Variants in XKR9 observed in about 807,000 individuals in gnomAD.
XKR9 encodes the protein XK related 9.
Under a neutral mutation model 32.0 loss-of-function variants are expected in XKR9, and 32 were observed. That is an observed-to-expected ratio of 1.00 (90% CI 0.76 to 1.34). XKR9 has a LOEUF of 1.34. XKR9 is among the 40% of genes most tolerant of loss of function. The pLI, the probability that XKR9 is intolerant of heterozygous loss-of-function variation, is 0.00. For missense variants in XKR9, 546 were observed against 429.7 expected (o/e 1.27, Z -2.39); for synonymous variants, 168 against 143.4 (o/e 1.17, Z -1.22).
At chr8:70,954,209 T>C in the XKR9 span, among the ~76,000 whole-genome samples, 1 of 152,094 alleles carries the variant, frequency 6.6e-6, no homozygotes, top group Non-Finnish European at 1.5e-5. Flanking sequence ...TGGATTATAT[T>C]TGGACAACCC....
intron 3 of XKR9, among the ~76,000 whole-genome samples, chr8:70,698,720 G>A (rs1239349034): frequency 6.6e-6 from 1 of 152,158 alleles, no homozygotes; most frequent in Non-Finnish European, 1.5e-5. Context: ...GCAGAGCTGA[G>A]TTCAATTCCT....
At chr8:70,892,572 A>T in the XKR9 span, among the ~76,000 whole-genome samples, 2 of 151,950 alleles carry the variant, frequency 1.3e-5, no homozygotes, top group Non-Finnish European at 2.9e-5. Flanking sequence ...AAATGACTTT[A>T]TTTCTCTCTC....
chr8:70,736,353 G>A (rs1387236960), downstream of XKR9, among the ~76,000 whole-genome samples: 3 of 151,870 alleles, frequency 2.0e-5, no homozygotes, highest in African/African-American at 4.8e-5. Context: ...GTTCATTGTA[G>A]ATTCTGGATA....
At chr8:70,754,536 A>C (rs1563469167) in intron 2 of XKR9, among the ~76,000 whole-genome samples, 3 of 125,498 alleles carry the variant, frequency 2.4e-5, no homozygotes, top group Non-Finnish European at 5.7e-5. Flanking sequence ...TACAGTAACC[A>C]AAACAGCATG....
At chr8:70,918,022 G>C in the XKR9 span, among the ~76,000 whole-genome samples, 1 of 152,206 alleles carries the variant, frequency 6.6e-6, no homozygotes, top group Non-Finnish European at 1.5e-5. Flanking sequence ...ATGTGATCTT[G>C]CCTTAAATAT....
At chr8:70,800,877 G>T in the XKR9 span, among the ~76,000 whole-genome samples, 12 of 151,744 alleles carry the variant, frequency 7.9e-5, no homozygotes, top group Admixed American at 7.2e-4. Flanking sequence ...TTTCTTCCTG[G>T]TTCAGTCTTG....
chr8:70,688,104 T>G (rs1819368061), intron 3 of XKR9, among the ~76,000 whole-genome samples: 1 of 152,238 alleles, frequency 6.6e-6, no homozygotes, highest in African/African-American at 2.4e-5. Context: ...AAGGTCAGTC[T>G]TAGGCTATGC....
At chr8:70,797,588 CA>C in the XKR9 span, among the ~76,000 whole-genome samples, 12 of 150,856 alleles carry the variant, frequency 8.0e-5, no homozygotes, top group South Asian at 6.3e-4. Context: ...ATTTTAGGTT[CA>C]GGGGTACAAT....
chr8:70,964,848 G>C, the XKR9 span, among the ~76,000 whole-genome samples: 1 of 152,106 alleles, frequency 6.6e-6, no homozygotes, highest in Non-Finnish European at 1.5e-5. Context: ...AAGCTTTTGG[G>C]CTGAGATGCT....
chr8:70,889,379 AT>A, the XKR9 span, among the ~76,000 whole-genome samples: 1 of 150,890 alleles, frequency 6.6e-6, no homozygotes, highest in Non-Finnish European at 1.5e-5. Context: ...TTTCCTCTTT[AT>A]TTTTTAATTT....
the XKR9 span, among the ~76,000 whole-genome samples, chr8:70,915,734 A>G: frequency 3.9e-5 from 6 of 152,326 alleles, no homozygotes; most frequent in South Asian, 1.2e-3. Context: ...CTAAAATATT[A>G]CACTCCAAAA....
At chr8:70,977,006 A>G in the XKR9 span, among the ~76,000 whole-genome samples, 2 of 152,142 alleles carry the variant, frequency 1.3e-5, no homozygotes, top group Non-Finnish European at 2.9e-5. Context: ...TTATTTTCAT[A>G]GAGGTGTTTA....
downstream of XKR9, among the ~76,000 whole-genome samples, chr8:70,739,840 G>C (rs1011026738): frequency 2.6e-5 from 4 of 152,210 alleles, no homozygotes; most frequent in African/African-American, 9.6e-5. Flanking sequence ...GAGATCCGCC[G>C]TTGGTCTGAT....
the XKR9 span, among the ~76,000 whole-genome samples, chr8:70,808,494 G>A: frequency 6.6e-6 from 1 of 152,288 alleles, no homozygotes; most frequent in African/African-American, 2.4e-5. Context: ...GAAGCAGGGT[G>A]AGGCATTGCC....
intron 2 of XKR9, among the ~76,000 whole-genome samples, chr8:70,677,380 T>C (rs1818920711): frequency 6.6e-6 from 1 of 152,128 alleles, no homozygotes; most frequent in African/African-American, 2.4e-5. Flanking sequence ...ACTCCTGGAC[T>C]CAAGTGATCT....
At chr8:70,909,703 CTT>C in the XKR9 span, among the ~76,000 whole-genome samples, 16 of 91,200 alleles carry the variant, frequency 1.8e-4, no homozygotes, top group African/African-American at 4.1e-4. Flanking sequence ...TCGATTTATC[CTT>C]TTTTTTTTTT....
the XKR9 span, among the ~76,000 whole-genome samples, chr8:70,999,629 T>C: frequency 1.3e-5 from 2 of 152,188 alleles, no homozygotes. Flanking sequence ...CAGACTGCCT[T>C]TGTCATTGAA....
downstream of XKR9, among the ~76,000 whole-genome samples, chr8:70,736,582 A>G (rs1460405165): frequency 1.3e-5 from 2 of 152,152 alleles, no homozygotes; most frequent in South Asian, 2.1e-4. Context: ...GTTTTCTTCT[A>G]GGGATTTTAT....
chr8:70,775,494 C>T (rs1807506465), intron 2 of XKR9, among the ~76,000 whole-genome samples: 2 of 152,060 alleles, frequency 1.3e-5, no homozygotes, highest in South Asian at 4.1e-4. Context: ...TCCCAGTTTT[C>T]TGAGATTTTA....
Sources: gnomAD v4.1 joint callset for allele counts (sites outside exome capture counted in the v4.1 genomes callset) on GRCh38, gnomAD v4.1.1 for gene constraint, MANE v1.5 for transcripts, NCBI Gene and HGNC (gene_info 2026-07-23, HGNC 2026-07-21) for gene names.